Variants in MCM5 observed in about 807,000 individuals in gnomAD.
MCM5 encodes DNA replication licensing factor MCM5.
MCM5 carries 46 observed loss-of-function variants against 79.9 expected under a neutral mutation model. That is an observed-to-expected ratio of 0.58 (90% confidence interval 0.45 to 0.74). MCM5 has a LOEUF of 0.74. MCM5 is among the 30% of genes least tolerant of loss of function. The pLI is 0.00. For missense variants in MCM5, 883 were observed against 1,017.0 expected (o/e 0.87, Z 1.79); for synonymous variants, 404 against 390.5 (o/e 1.03, Z -0.41).
chr22:35,410,369 A>G, intron 6 of MCM5: 1 of 272,132 alleles, frequency 3.7e-6, no homozygotes, highest in South Asian at 3.7e-5. Flanking sequence ...GAGAGGCTAA[A>G]GGGCACCACA....
chr22:35,428,049 C>G (rs1406298329), downstream of MCM5, among the ~76,000 whole-genome samples: 14 of 144,764 alleles, frequency 9.7e-5, no homozygotes, highest in African/African-American at 3.4e-4. Context: ...GAGACCAAGT[C>G]TCACTCTGTT....
At chr22:35,437,825 C>T in the MCM5 span, among the ~76,000 whole-genome samples, 1 of 152,168 alleles carries the variant, frequency 6.6e-6, no homozygotes, top group Non-Finnish European at 1.5e-5. Flanking sequence ...GCCTGGGCAT[C>T]TGCATTTTCA....
At chr22:35,414,048 C>A in intron 9 of MCM5, 62 bp downstream of exon 9, 1 of 1,108,366 alleles carries the variant, frequency 9.0e-7, no homozygotes, top group Non-Finnish European at 1.4e-6. Flanking sequence ...CAGGGCAGGG[C>A]CTCTGGGTCC....
the MCM5 span, among the ~76,000 whole-genome samples, chr22:35,435,481 C>G: frequency 3.9e-5 from 6 of 152,136 alleles, no homozygotes; most frequent in African/African-American, 4.8e-5. Context: ...GGCCACCGGG[C>G]CTTTCAGTGA....
the MCM5 span, among the ~76,000 whole-genome samples, chr22:35,452,259 G>T: frequency 6.6e-6 from 1 of 152,046 alleles, no homozygotes; most frequent in Non-Finnish European, 1.5e-5. Flanking sequence ...CCCCTGCCTG[G>T]ATCACTCCAC....
intron 12 of MCM5, among the ~76,000 whole-genome samples, chr22:35,417,440 G>A (rs1932574410): frequency 6.6e-6 from 1 of 152,216 alleles, no homozygotes; most frequent in Non-Finnish European, 1.5e-5. Context: ...CTATGTCCAT[G>A]CCCAAGTTGG....
At chr22:35,434,401 T>G in the MCM5 span, among the ~76,000 whole-genome samples, 1 of 152,098 alleles carries the variant, frequency 6.6e-6, no homozygotes, top group Non-Finnish European at 1.5e-5. Flanking sequence ...CTCCCCACCC[T>G]CTCTGCCAAG....
the MCM5 span, among the ~76,000 whole-genome samples, chr22:35,431,596 T>G: frequency 6.6e-6 from 1 of 152,148 alleles, no homozygotes; most frequent in Non-Finnish European, 1.5e-5. Flanking sequence ...CCTCCTGATA[T>G]AGGACTCATC....
chr22:35,435,972 G>A, the MCM5 span, among the ~76,000 whole-genome samples: 2 of 152,020 alleles, frequency 1.3e-5, no homozygotes, highest in African/African-American at 2.4e-5. Flanking sequence ...TTCAAGACCA[G>A]CCTGATCAAC....
intron 14 of MCM5, 74 bp downstream of exon 14, chr22:35,420,086 GGGCAGTGGTCCA>G: frequency 1.3e-6 from 2 of 1,513,082 alleles, no homozygotes; most frequent in South Asian, 2.6e-5. Context: ...TGGCAACCAG[GGGCAGTGGTCCA>G]GGCTTTTCAC....
At chr22:35,452,094 A>T in the MCM5 span, among the ~76,000 whole-genome samples, 1 of 152,018 alleles carries the variant, frequency 6.6e-6, no homozygotes, top group East Asian at 1.9e-4. Context: ...AAAACCAGGC[A>T]CCCAGAAAAC....
the MCM5 span, among the ~76,000 whole-genome samples, chr22:35,444,243 T>G: frequency 3.1e-5 from 4 of 128,544 alleles, no homozygotes; most frequent in African/African-American, 9.1e-5. Flanking sequence ...GGAGAGGAAG[T>G]GGGGAGGAAT....
intron 5 of MCM5, among the ~76,000 whole-genome samples, chr22:35,407,559 T>A (rs1245329111): frequency 1.3e-5 from 2 of 151,576 alleles, no homozygotes; most frequent in African/African-American, 4.9e-5. Flanking sequence ...GTTTCTGGAA[T>A]ACACTGACTA....
chr22:35,410,939 C>T, intron 7 of MCM5, 29 bp downstream of exon 7: 2 of 1,557,280 alleles, frequency 1.3e-6, no homozygotes, highest in Non-Finnish European at 8.7e-7. Flanking sequence ...CCTGGCTTAG[C>T]CCTGCTAAAA....
At chr22:35,418,385 T>A (rs1318448586) in intron 13 of MCM5, among the ~76,000 whole-genome samples, 7 of 152,112 alleles carry the variant, frequency 4.6e-5, no homozygotes, top group Admixed American at 3.3e-4. Context: ...TACTGGCTGG[T>A]TGCAGTGGCT....
intron 7 of MCM5, 50 bp from the exon 8 acceptor site, chr22:35,412,460 G>A: frequency 7.1e-7 from 1 of 1,414,690 alleles, no homozygotes; most frequent in African/African-American, 1.5e-5. Flanking sequence ...TGGGCAGTGG[G>A]CTGGAAGAGC....
intron 2 of MCM5, 128 bp from the exon 3 acceptor site, chr22:35,403,079 G>T: frequency 9.0e-7 from 1 of 1,108,552 alleles, no homozygotes; most frequent in South Asian, 1.5e-5. Context: ...GTGTGTTTGG[G>T]AAGAGGAATG....
chr22:35,405,379 T>G (rs143660645), intron 4 of MCM5, among the ~76,000 whole-genome samples: 9 of 151,994 alleles, frequency 5.9e-5, no homozygotes, highest in African/African-American at 2.2e-4. Context: ...GAATCTCTTT[T>G]TTTTTGAGAC....
rs777573702 is a variant in MCM5, at chr22:35,406,609, G to A, written c.480G>A (p.Ala160=). 9 of 1,613,552 alleles carry A rather than the reference G, an allele frequency of 5.6e-6. No homozygotes were observed. Among genetic ancestry groups the A allele is most frequent in the African/African-American group, 1.3e-5 (1 of 75,036 alleles). ...CTGGCATCATCATCGCGGCCTCTGC[G>A]GTCCGTGCCAAGGCCACCCGCATCT... is the stretch of plus-strand genomic sequence containing the variant. ...KIPGIIIAAS[A]VRAKATRISI... is the part of the protein sequence containing the mutation. Residue 160 remains alanine (A), a synonymous_variant, in exon 5 of 17, where the codon GCG becomes GCA. Transcript: ENST00000216122.
Sources: allele counts gnomAD v4.1 joint callset (sites outside exome capture counted in the v4.1 genomes callset), GRCh38; gene constraint gnomAD v4.1.1; transcripts MANE v1.5; gene names NCBI Gene and HGNC (gene_info 2026-07-23, HGNC 2026-07-21).